The following ADAM22 variants were observed in gnomAD, a reference collection of about 807,000 sequenced individuals.
The protein encoded by ADAM22 is ADAM metallopeptidase domain 22.
ADAM22 carries 65 observed loss-of-function variants against 144.6 expected under a neutral mutation model. The observed-to-expected ratio is 0.45, with a 90% CI of 0.37 to 0.55. The LOEUF (loss-of-function observed/expected upper bound fraction) is 0.55, where lower values mean the gene tolerates loss of function less well. ADAM22 is among the 20% of genes least tolerant of loss of function. The pLI, the probability that ADAM22 is intolerant of heterozygous loss-of-function variation, is 0.00. For synonymous variants in ADAM22, 391 were observed against 412.6 expected, an observed-to-expected ratio of 0.95 and a Z score of 0.63; for missense variants, 974 against 1,184.9, an observed-to-expected ratio of 0.82 and a Z score of 2.61.
intron 7 of ADAM22, among the ~76,000 whole-genome samples, chr7:88,122,342 TCACC>T (rs1174161674): frequency 6.6e-6 from 1 of 152,192 alleles, no homozygotes; most frequent in Non-Finnish European, 1.5e-5. Context: ...TGACAGTTCA[TCACC>T]TTTGCTGTAT....
intron 26 of ADAM22, among the ~76,000 whole-genome samples, 179 bp downstream of exon 26, chr7:88,171,740 A>G (rs1844372194): frequency 6.6e-6 from 1 of 151,804 alleles, no homozygotes; most frequent in South Asian, 2.1e-4. Flanking sequence ...AAATATAGCA[A>G]TTTAAAATAG....
chr7:87,984,947 C>T (rs1246928192), intron 3 of ADAM22, among the ~76,000 whole-genome samples: 8 of 151,976 alleles, frequency 5.3e-5, no homozygotes, highest in Admixed American at 6.6e-5. Context: ...GTTGAGATTA[C>T]AGACATGAGC....
At chr7:88,112,314 T>A (rs887074609) in intron 5 of ADAM22, among the ~76,000 whole-genome samples, 1 of 152,186 alleles carries the variant, frequency 6.6e-6, no homozygotes, top group African/African-American at 2.4e-5. Flanking sequence ...ATGTGGAAGA[T>A]GTTATAGCAG....
chr7:88,103,244 A>G (rs1023654928), intron 4 of ADAM22, among the ~76,000 whole-genome samples: 9 of 152,022 alleles, frequency 5.9e-5, no homozygotes, highest in African/African-American at 2.2e-4. Context: ...CTGTGCTCCA[A>G]TTGTTTCTCT....
At chr7:88,056,477 T>A (rs532104215) in intron 3 of ADAM22, among the ~76,000 whole-genome samples, 1 of 152,334 alleles carries the variant, frequency 6.6e-6, no homozygotes, top group South Asian at 2.1e-4. Context: ...ATTTGAAATT[T>A]ATGGCTGAAA....
At position 88,058,387 on chromosome 7, in the gene ADAM22, G is replaced by A. The variant is rs959780614; in HGVS notation, c.324-17239G>A. On this transcript the variant is annotated intron_variant, in intron 3 of 31. Coordinates refer to ENST00000413139, the MANE Select transcript of ADAM22 (RefSeq NM_001324418.2). ...ACATCTATAAACATATGGAAGAAAA[G>A]CGAAGTGCCAAGTCTACTTTTTTGG... Among the ~76,000 whole-genome samples the A allele has an allele frequency of 2.6e-5, 4 of 152,166 alleles. No individual in the cohort carries two copies. The South Asian group carries it at 6.2e-4, about 24-fold the overall frequency.
chr7:88,120,785 A>G (rs901998370), intron 7 of ADAM22, among the ~76,000 whole-genome samples: 2 of 152,182 alleles, frequency 1.3e-5, no homozygotes, highest in South Asian at 4.1e-4. Context: ...ATGAAGTTTA[A>G]CATTAGTTTT....
Position 88,128,688 on chromosome 7 carries a change from T to G in ADAM22, c.753+12T>G. 6.2e-7 allele frequency: 1 copy of G among 1,609,316 alleles called. No homozygotes were observed. Among genetic ancestry groups the G allele is most frequent in the Non-Finnish European group, 8.5e-7 (1 of 1,176,702 alleles). On this transcript the variant is annotated intron_variant, in intron 9 of 31. Coordinates refer to ENST00000413139, the MANE Select transcript of ADAM22 (RefSeq NM_001324418.2). ...ATGATCACCTTATGGTAGGATTTGC[T>G]GTTGTTTTTAAGCCTGTTTGTGCCT...
intron 4 of ADAM22, among the ~76,000 whole-genome samples, chr7:88,090,716 A>G (rs1316652574): frequency 6.6e-5 from 10 of 152,176 alleles, no homozygotes; most frequent in African/African-American, 2.2e-4. Flanking sequence ...AAGTGATTCC[A>G]TAAGTAGGGT....
intron 4 of ADAM22, among the ~76,000 whole-genome samples, chr7:88,082,179 G>A (rs1025912247): frequency 6.6e-6 from 1 of 152,004 alleles, no homozygotes; most frequent in Non-Finnish European, 1.5e-5. Context: ...CAGAAATAAC[G>A]CCGCATATCT....
At chr7:88,039,025 C>G (rs1380760934) in intron 3 of ADAM22, among the ~76,000 whole-genome samples, 1 of 152,086 alleles carries the variant, frequency 6.6e-6, no homozygotes, top group Non-Finnish European at 1.5e-5. Flanking sequence ...AAGCGATCCT[C>G]CTGTCTTAGC....
chr7:88,095,543 G>A (rs2282957), intron 4 of ADAM22, among the ~76,000 whole-genome samples: 1 of 151,906 alleles, frequency 6.6e-6, no homozygotes, highest in South Asian at 2.1e-4. Flanking sequence ...CCTTATAATC[G>A]GCTTGCCTGA....
intron 18 of ADAM22, 33 bp downstream of exon 18, chr7:88,149,090 G>T (rs766449227): frequency 6.6e-7 from 1 of 1,512,288 alleles, no homozygotes; most frequent in South Asian, 1.1e-5. Context: ...TAAAACTTAT[G>T]GGAAAAAGTG....
At position 87,963,401 on chromosome 7, in the gene ADAM22, T is replaced by A. The variant is rs1848400676; in HGVS notation, c.247-14935T>A. On this transcript the variant is annotated intron_variant, in intron 2 of 31. Transcript: ENST00000413139. ...ATTAAATAAAAAGTGACCTCCGTGT[T>A]ACTTTGAAAGTATTCATTTGCCTCA... Among the ~76,000 whole-genome samples, 3 of 152,218 alleles carry A rather than the reference T, an allele frequency of 2.0e-5. No individual in the cohort carries two copies. In the South Asian group the frequency reaches 6.2e-4, roughly 32 times the overall value.
chr7:88,062,226 G>T (rs1487809450), intron 3 of ADAM22, among the ~76,000 whole-genome samples: 2 of 152,082 alleles, frequency 1.3e-5, no homozygotes, highest in Non-Finnish European at 2.9e-5. Flanking sequence ...CCAATAAAAG[G>T]CTGTTTTGTC....
At chr7:88,090,793 T>G (rs1345272522) in intron 4 of ADAM22, among the ~76,000 whole-genome samples, 2 of 152,132 alleles carry the variant, frequency 1.3e-5, no homozygotes, top group Non-Finnish European at 2.9e-5. Context: ...GAAACAATAT[T>G]AAGATCTTCT....
chr7:87,976,141 G>A (rs1242552934), intron 2 of ADAM22, among the ~76,000 whole-genome samples: 1 of 152,162 alleles, frequency 6.6e-6, no homozygotes, highest in Middle Eastern at 3.2e-3. Context: ...AAGTACTGAG[G>A]TCTTGATGTG....
intron 3 of ADAM22, among the ~76,000 whole-genome samples, chr7:87,979,447 A>T (rs916499261): frequency 6.6e-6 from 1 of 152,114 alleles, no homozygotes; most frequent in East Asian, 1.9e-4. Context: ...TCCCTCATCT[A>T]CTTAATACCT....
intron 2 of ADAM22, among the ~76,000 whole-genome samples, chr7:87,971,969 T>C (rs182621910): frequency 0.072 from 11,010 of 152,276 alleles, 588 homozygotes; most frequent in Non-Finnish European, 0.12. Flanking sequence ...GGCGGGTGGA[T>C]CACGAGGTCA....
Sources: allele counts gnomAD v4.1 joint callset (sites outside exome capture counted in the v4.1 genomes callset), GRCh38; gene constraint gnomAD v4.1.1; transcripts MANE v1.5; gene names NCBI Gene and HGNC (gene_info 2026-07-23, HGNC 2026-07-21).